The following SDK1 variants were observed in gnomAD, a reference collection of about 807,000 sequenced individuals.
The protein encoded by SDK1 is sidekick cell adhesion molecule 1.
In SDK1, 157 loss-of-function variants were observed where a neutral mutation model predicts 245.5. The observed-to-expected ratio is 0.64, with a 90% CI of 0.56 to 0.73. The LOEUF (loss-of-function observed/expected upper bound fraction) is 0.73, where lower values mean the gene tolerates loss of function less well. Ranked by LOEUF, SDK1 falls within the 30% of genes least tolerant of loss-of-function variation. The probability of loss-of-function intolerance (pLI) is 0.00; values close to 1 mark genes in which losing one functional copy is unlikely to be tolerated. For synonymous variants in SDK1, 1,647 were observed against 1,278.5 expected (o/e 1.29, Z -6.15); for missense variants, 3,583 against 3,002.3 (o/e 1.19, Z -4.52).
At chr7:3,994,404 G>A (rs4723345) in intron 14 of SDK1, among the ~76,000 whole-genome samples, 14,543 of 152,112 alleles carry the variant, frequency 0.096, 801 homozygotes, top group Admixed American at 0.16. Flanking sequence ...TACTTTGGGA[G>A]GCCGAGTCAG....
At chr7:3,354,176 T>C (rs1253893404) in intron 1 of SDK1, among the ~76,000 whole-genome samples, 1 of 151,898 alleles carries the variant, frequency 6.6e-6, no homozygotes, top group African/African-American at 2.4e-5. Context: ...TTTTTTGTAT[T>C]TTTAGTAGTG....
At chr7:4,173,491 T>G (rs534816189) in intron 32 of SDK1, among the ~76,000 whole-genome samples, 7 of 152,324 alleles carry the variant, frequency 4.6e-5, no homozygotes, top group African/African-American at 1.7e-4. Context: ...TGTGTTTAGA[T>G]TCCAGCAAGA....
chr7:3,934,899 G>A (rs538147323), intron 5 of SDK1, among the ~76,000 whole-genome samples: 42 of 152,342 alleles, frequency 2.8e-4, no homozygotes, highest in African/African-American at 8.9e-4. Flanking sequence ...TCAGTGTGGT[G>A]AGCAGCGAGG....
At chr7:3,934,560 G>A (rs967051973) in intron 5 of SDK1, among the ~76,000 whole-genome samples, 9 of 152,218 alleles carry the variant, frequency 5.9e-5, no homozygotes, top group African/African-American at 2.2e-4. Context: ...TGTCTATTTG[G>A]AAAGTGTAAA....
chr7:3,318,003 C>T (rs951464390), intron 1 of SDK1, among the ~76,000 whole-genome samples: 29 of 152,118 alleles, frequency 1.9e-4, no homozygotes, highest in African/African-American at 7.2e-5. Flanking sequence ...CCTAGTTCCC[C>T]CTGCTTGAGG....
intron 44 of SDK1, among the ~76,000 whole-genome samples, chr7:4,254,667 C>G (rs1787521563): frequency 6.7e-6 from 1 of 148,870 alleles, no homozygotes; most frequent in East Asian, 1.9e-4. Flanking sequence ...ATTATACTTT[C>G]CTGGGTTTTT....
In SDK1 at chr7:3,590,340, A is replaced by G. The variant is rs76498805; in HGVS notation, c.299-28740A>G. ...TTTTTTTGCTTTGAAGTGTGAATGAATAATACTATAGACAAAATACAATAG... is the reference window on the plus strand; with the variant it reads ...TTTTTTTGCTTTGAAGTGTGAATGAGTAATACTATAGACAAAATACAATAG... On this transcript the variant is annotated intron_variant, in intron 1 of 44. Transcript: ENST00000404826. Among the ~76,000 whole-genome samples the G allele has an allele frequency of 9.7e-4, 133 of 136,898 alleles. 1 individual carries two copies. Among genetic ancestry groups the G allele is most frequent in the Admixed American group, 8.6e-3 (108 of 12,600 alleles). The allele number at this position is 136,898 out of a possible 152,430, so 89.8% of individuals were successfully genotyped here. A position where few individuals can be genotyped will look rare whatever the true frequency, so the allele number is the denominator to read the frequency against.
intron 40 of SDK1, among the ~76,000 whole-genome samples, chr7:4,232,063 T>A (rs964333723): frequency 2.1e-5 from 3 of 144,672 alleles, no homozygotes; most frequent in African/African-American, 5.3e-5. Context: ...TTTTTTTTTT[T>A]AACCAAACAG....
chr7:4,249,822 C>A (rs1474159202), intron 44 of SDK1, among the ~76,000 whole-genome samples: 2 of 152,200 alleles, frequency 1.3e-5, no homozygotes, highest in East Asian at 3.8e-4. Flanking sequence ...GAAGTGCCAG[C>A]TCACATGGTA....
chr7:3,797,134 G>A (rs1486026374), intron 4 of SDK1, among the ~76,000 whole-genome samples: 1 of 151,918 alleles, frequency 6.6e-6, no homozygotes, highest in East Asian at 1.9e-4. Flanking sequence ...AGTCTCACAA[G>A]TACCTGGGAC....
intron 21 of SDK1, among the ~76,000 whole-genome samples, chr7:4,078,140 C>T (rs1478934657): frequency 6.6e-6 from 1 of 152,142 alleles, no homozygotes; most frequent in Non-Finnish European, 1.5e-5. Flanking sequence ...TTGGCCAAAC[C>T]CCTGATAACC....
chr7:3,560,997 T>G (rs568285028), intron 1 of SDK1, among the ~76,000 whole-genome samples: 23 of 152,312 alleles, frequency 1.5e-4, no homozygotes, highest in Middle Eastern at 3.4e-3. Flanking sequence ...TTTCTCACAT[T>G]TTTTTTCTTT....
In SDK1 at chr7:3,545,956, C is replaced by T. The variant is rs377206878; in HGVS notation, c.299-73124C>T. ...AAGAATACCTAAATCAGTATAACCT[C>T]GTCATTGAAAGAAAGACTTTAGTAA... On this transcript the variant is annotated intron_variant, in intron 1 of 44. Coordinates refer to ENST00000404826, the MANE Select transcript of SDK1 (RefSeq NM_152744.4). 2.5e-4 allele frequency among the ~76,000 whole-genome samples: 38 copies of T among 152,316 alleles called. No individual in the cohort carries two copies. In the East Asian group the frequency reaches 4.6e-3, roughly 19 times the overall value.
rs1252483008 is a variant in SDK1 at position 3,547,648 on chromosome 7, T to C, written c.299-71432T>C. Among the ~76,000 whole-genome samples the C allele has an allele frequency of 2.6e-5, 4 of 152,370 alleles. No individual in the cohort carries two copies. The East Asian group carries it at 7.7e-4, about 29-fold the overall frequency. On this transcript the variant is annotated intron_variant, in intron 1 of 44. Transcript: ENST00000404826. ...CCTAGTCCATGCTTGTCCATGATAC[T>C]ACCCTGGCCCTTCATCTTGACTGAC... is the stretch of plus-strand genomic sequence containing the variant.
At chr7:4,010,559 A>T (rs1172085393) in intron 14 of SDK1, among the ~76,000 whole-genome samples, 1 of 152,172 alleles carries the variant, frequency 6.6e-6, no homozygotes, top group East Asian at 1.9e-4. Flanking sequence ...GTTAATGAAT[A>T]TAGTTTTTAT....
intron 1 of SDK1, among the ~76,000 whole-genome samples, chr7:3,330,061 A>C (rs571903957): frequency 6.6e-6 from 1 of 152,170 alleles, no homozygotes; most frequent in Non-Finnish European, 1.5e-5. Flanking sequence ...ATAGTATTTC[A>C]TTGTATGTAT....
intron 1 of SDK1, among the ~76,000 whole-genome samples, chr7:3,434,929 A>G (rs1779975194): frequency 6.6e-6 from 1 of 152,220 alleles, no homozygotes; most frequent in African/African-American, 2.4e-5. Flanking sequence ...CTCATCTCAC[A>G]GGTGAGTTTT....
intron 1 of SDK1, among the ~76,000 whole-genome samples, chr7:3,524,023 C>G (rs886764144): frequency 6.6e-6 from 1 of 152,186 alleles, no homozygotes; most frequent in East Asian, 1.9e-4. Context: ...GGTGCCTGGC[C>G]TGAGTCAGCT....
Position 4,264,264 on chromosome 7 carries a change from G to A in SDK1, c.6382-860G>A, listed in dbSNP as rs111782614. Among the ~76,000 whole-genome samples, 108 of 86,568 alleles carry A rather than the reference G, an allele frequency of 1.2e-3. 2 individuals are homozygous for A. Among genetic ancestry groups the A allele is most frequent in the African/African-American group, 5.0e-3 (100 of 19,978 alleles). The allele number at this position is 86,568 out of a possible 152,430, so 56.8% of individuals were successfully genotyped here. A position where few individuals can be genotyped will look rare whatever the true frequency, so the allele number is the denominator to read the frequency against. On this transcript the variant is annotated intron_variant, in intron 44 of 44. Transcript: ENST00000404826. ...GAGGCCGCGTAGACCTCTCCTGAGTGGGGAGGCCGCGTAGACCTCTCCTGA... is the reference window on the plus strand; with the variant it reads ...GAGGCCGCGTAGACCTCTCCTGAGTAGGGAGGCCGCGTAGACCTCTCCTGA...
Sources: allele counts gnomAD v4.1 joint callset (sites outside exome capture counted in the v4.1 genomes callset), GRCh38; gene constraint gnomAD v4.1.1; transcripts MANE v1.5; gene names NCBI Gene and HGNC (gene_info 2026-07-23, HGNC 2026-07-21).